TMEM245: variants seen among roughly 807,000 people sequenced by gnomAD.
TMEM245 encodes protein CG-2.
In TMEM245, 69 loss-of-function variants were observed where a neutral mutation model predicts 101.2. The observed-to-expected ratio is 0.68, with a 90% CI of 0.56 to 0.83. TMEM245 has a LOEUF of 0.83. TMEM245 is among the 40% of genes least tolerant of loss of function. The probability of loss-of-function intolerance (pLI) is 0.00; values close to 1 mark genes in which losing one functional copy is unlikely to be tolerated. For synonymous variants in TMEM245, 537 were observed against 449.8 expected, an observed-to-expected ratio of 1.19 and a Z score of -2.45; for missense variants, 1,075 against 1,092.8, an observed-to-expected ratio of 0.98 and a Z score of 0.23.
At chr9:109,068,262 C>T (rs546620886) in intron 9 of TMEM245, among the ~76,000 whole-genome samples, 163 of 151,106 alleles carry the variant, frequency 1.1e-3, no homozygotes, top group Admixed American at 2.2e-3. Flanking sequence ...CCCAGCTACT[C>T]GGGAGGCTGA....
chr9:109,056,611 T>A (rs146268676), intron 12 of TMEM245, among the ~76,000 whole-genome samples: 1 of 151,982 alleles, frequency 6.6e-6, no homozygotes, highest in Non-Finnish European at 1.5e-5. Context: ...ATGAACTCCG[T>A]CTCAAAAAAA....
At chr9:109,025,062 G>A (rs888715549) in intron 17 of TMEM245, among the ~76,000 whole-genome samples, 2 of 152,154 alleles carry the variant, frequency 1.3e-5, no homozygotes, top group African/African-American at 4.8e-5. Flanking sequence ...AGCAGATTCA[G>A]GAAATTTTCA....
At chr9:109,065,030 C>T (rs1829126821) in intron 9 of TMEM245, among the ~76,000 whole-genome samples, 1 of 152,222 alleles carries the variant, frequency 6.6e-6, no homozygotes, top group Non-Finnish European at 1.5e-5. Flanking sequence ...AAGTGATCCA[C>T]CTGCCTCAGC....
intron 14 of TMEM245, chr9:109,046,151 T>G: frequency 4.0e-6 from 2 of 504,650 alleles, no homozygotes; most frequent in Non-Finnish European, 8.3e-6. Flanking sequence ...ATCTAATTCA[T>G]CAGGACACCC....
At chr9:109,050,191 T>G in intron 14 of TMEM245, 92 bp downstream of exon 14, 1 of 1,458,444 alleles carries the variant, frequency 6.9e-7, no homozygotes, top group African/African-American at 1.4e-5. Context: ...AGTTTAGCAC[T>G]GAATGTTATC....
At chr9:109,073,859 T>TG (rs1554723946) in intron 8 of TMEM245, among the ~76,000 whole-genome samples, 2 of 147,828 alleles carry the variant, frequency 1.4e-5, no homozygotes, top group African/African-American at 2.5e-5. Context: ...TTTTTTTGTT[T>TG]TTTTTTTTTT....
rs749829659 is a variant in TMEM245 at position 109,057,337 on chromosome 9, A to C, written c.1723-15T>G. On this transcript the variant is annotated splice_polypyrimidine_tract_variant and intron_variant, in intron 11 of 17. Coordinates refer to ENST00000374586, the MANE Select transcript of TMEM245 (RefSeq NM_032012.4). ...TGTGTTACATTCTATGGAATAAAAC[A>C]GTGCAGACATGAAATTCCCATCTTA... 1.2e-6 allele frequency: 2 copies of C among 1,601,324 alleles called. No homozygotes were observed. The highest frequency in any genetic ancestry group is 4.5e-5 in the East Asian group (2 of 44,710).
At chr9:109,109,393 A>G (rs886117367) in intron 1 of TMEM245, among the ~76,000 whole-genome samples, 2 of 151,960 alleles carry the variant, frequency 1.3e-5, no homozygotes, top group Non-Finnish European at 2.9e-5. Flanking sequence ...CTTAATTAAC[A>G]TAAGACCAAG....
intron 17 of TMEM245, among the ~76,000 whole-genome samples, chr9:109,031,266 A>G (rs772339629): frequency 1.3e-5 from 2 of 152,252 alleles, no homozygotes; most frequent in Non-Finnish European, 2.9e-5. Context: ...AAAGACATGT[A>G]CAAAAACGTT....
At chr9:109,119,260 G>A (rs1564218376) in intron 1 of TMEM245, 75 bp downstream of exon 1, 2 of 1,396,104 alleles carry the variant, frequency 1.4e-6, no homozygotes, top group East Asian at 2.9e-5. Context: ...TGCACCGGGA[G>A]GAACAGCTGC....
chr9:109,077,412 C>T (rs533417220), intron 8 of TMEM245, among the ~76,000 whole-genome samples: 5 of 152,284 alleles, frequency 3.3e-5, no homozygotes, highest in Non-Finnish European at 2.9e-5. Flanking sequence ...CTCATCTTCC[C>T]GAAGTCCTGG....
intron 14 of TMEM245, among the ~76,000 whole-genome samples, chr9:109,042,061 A>C (rs1315622532): frequency 1.3e-5 from 2 of 152,108 alleles, no homozygotes; most frequent in Non-Finnish European, 2.9e-5. Flanking sequence ...ATTCCTAGCA[A>C]TCTCTGAATT....
chr9:109,025,424 C>G (rs1387445471), intron 17 of TMEM245, among the ~76,000 whole-genome samples: 1 of 152,164 alleles, frequency 6.6e-6, no homozygotes, highest in Non-Finnish European at 1.5e-5. Context: ...ATATAAACCT[C>G]AGGTTAAGAA....
At chr9:109,032,649 A>G (rs746143200) in intron 17 of TMEM245, among the ~76,000 whole-genome samples, 22 of 151,174 alleles carry the variant, frequency 1.5e-4, no homozygotes, top group Non-Finnish European at 2.7e-4. Context: ...CAGCCTCCCA[A>G]ACTGCTGGGA....
At chr9:109,062,210 T>C (rs901076908) in intron 10 of TMEM245, among the ~76,000 whole-genome samples, 2 of 152,028 alleles carry the variant, frequency 1.3e-5, no homozygotes, top group Non-Finnish European at 2.9e-5. Context: ...CTCACTATGT[T>C]GCCCAAGCTG....
At chr9:109,087,798 A>G (rs940681421) in intron 5 of TMEM245, among the ~76,000 whole-genome samples, 2 of 152,234 alleles carry the variant, frequency 1.3e-5, no homozygotes, top group African/African-American at 4.8e-5. Flanking sequence ...CCAGAAAAGT[A>G]TAAGGTATTC....
chr9:109,029,772 G>A (rs561788757), intron 17 of TMEM245, among the ~76,000 whole-genome samples: 2 of 152,340 alleles, frequency 1.3e-5, no homozygotes, highest in South Asian at 2.1e-4. Flanking sequence ...CTCCACTGGG[G>A]CAGACCAGGG....
rs746473451 is a variant in TMEM245, at chr9:109,020,470, G to T, written c.2630C>A (p.Ser877Ter). Residue 877 changes from serine to a stop codon, truncating the protein, a stop_gained, in exon 18 of 18, where the codon TCA becomes TAA. Transcript: ENST00000374586. LOFTEE classifies it high-confidence loss of function. ...GCAGAGGAAACCACATCAACCTACT[G>T]AAGATTTCAGATCTTCAGAAATGTC... ...FRDISEDLKS[S>*]VG 1.9e-6 allele frequency: 3 copies of T among 1,614,032 alleles called. No homozygotes were observed. Among genetic ancestry groups the T allele is most frequent in the Middle Eastern group, 1.7e-4 (1 of 6,056 alleles).
chr9:109,036,349 G>C lies in TMEM245; in HGVS notation c.2256C>G (p.Phe752Leu). 6.2e-7 allele frequency: 1 copy of C among 1,611,156 alleles called. No individual in the cohort carries two copies. The highest frequency in any genetic ancestry group is 8.5e-7 in the Non-Finnish European group (1 of 1,179,330). ...ALAAILGAVP[F>L]LGTYWAAVPA... The stretch of plus-strand genomic sequence containing the variant: ...GTACTGCTGCCCAGTATGTCCCCAG[G>C]AATGGCACTGCTCCAAGGATTGCTG... The change falls in exon 16 of 18, where the codon TTC (phenylalanine) becomes TTG (leucine). Residue 752 changes from phenylalanine to leucine, a missense_variant. By Grantham distance (22) the Phe-to-Leu change is conservative. Transcript: ENST00000374586.
Sources: allele counts gnomAD v4.1 joint callset (sites outside exome capture counted in the v4.1 genomes callset), GRCh38; gene constraint gnomAD v4.1.1; transcripts MANE v1.5; gene names NCBI Gene and HGNC (gene_info 2026-07-23, HGNC 2026-07-21).